Variants in SLC2A13 observed in about 807,000 individuals in gnomAD.
The protein encoded by SLC2A13 is solute carrier family 2 member 13.
Under a neutral mutation model 64.4 loss-of-function variants are expected in SLC2A13, and 32 were observed. The ratio of observed to expected loss-of-function variants is 0.50; its 90% confidence interval spans 0.37 to 0.67. The LOEUF is 0.67. Ranked by LOEUF, SLC2A13 falls within the 30% of genes least tolerant of loss-of-function variation. The probability of loss-of-function intolerance (pLI) is 0.00; values close to 1 mark genes in which losing one functional copy is unlikely to be tolerated. For missense variants in SLC2A13, 743 were observed against 829.2 expected, an observed-to-expected ratio of 0.90 and a Z score of 1.28; for synonymous variants, 338 against 327.1, an observed-to-expected ratio of 1.03 and a Z score of -0.36.
intron 3 of SLC2A13, among the ~76,000 whole-genome samples, chr12:39,991,466 T>C (rs1947137578): frequency 6.6e-6 from 1 of 152,162 alleles, no homozygotes; most frequent in African/African-American, 2.4e-5. Context: ...GCCTCATAAG[T>C]GCATGTCTAG....
intron 2 of SLC2A13, among the ~76,000 whole-genome samples, chr12:40,031,286 G>A (rs1021868409): frequency 1.4e-4 from 21 of 151,946 alleles, no homozygotes; most frequent in African/African-American, 4.8e-4. Context: ...GTAGTGGCGC[G>A]ATCTCGGCTC....
At chr12:40,094,278 G>A (rs1938864287) in intron 1 of SLC2A13, among the ~76,000 whole-genome samples, 1 of 152,158 alleles carries the variant, frequency 6.6e-6, no homozygotes, top group Non-Finnish European at 1.5e-5. Context: ...GGTCTGGGCT[G>A]AAATCTAGAT....
chr12:39,846,478 C>T (rs75128675), intron 6 of SLC2A13, among the ~76,000 whole-genome samples: 1 of 152,262 alleles, frequency 6.6e-6, no homozygotes, highest in South Asian at 2.1e-4. Context: ...TTTTAGACAG[C>T]ATCTCACTCT....
chr12:40,003,907 C>T (rs564778858), intron 3 of SLC2A13, among the ~76,000 whole-genome samples: 13 of 151,830 alleles, frequency 8.6e-5, no homozygotes, highest in East Asian at 5.9e-4. Flanking sequence ...GAAGGAGAAT[C>T]GCTAGAACCC....
chr12:40,044,756 A>G (rs986742340), intron 2 of SLC2A13, among the ~76,000 whole-genome samples: 5 of 152,218 alleles, frequency 3.3e-5, no homozygotes, highest in Admixed American at 3.3e-4. Flanking sequence ...TAAAAGGTGA[A>G]CTATAATGTT....
chr12:39,843,910 T>C (rs79307770), intron 6 of SLC2A13, among the ~76,000 whole-genome samples: 1 of 152,062 alleles, frequency 6.6e-6, no homozygotes, highest in African/African-American at 2.4e-5. Flanking sequence ...TACTGGCACA[T>C]GTCTTAAGTT....
chr12:39,861,035 C>T (rs975727215), intron 6 of SLC2A13, among the ~76,000 whole-genome samples: 3 of 152,222 alleles, frequency 2.0e-5, no homozygotes, highest in Non-Finnish European at 4.4e-5. Context: ...TCTGAATCTT[C>T]TCTGACCCCA....
At chr12:40,011,292 C>T (rs1440026180) in intron 3 of SLC2A13, among the ~76,000 whole-genome samples, 1 of 152,066 alleles carries the variant, frequency 6.6e-6, no homozygotes, top group Non-Finnish European at 1.5e-5. Context: ...CATCACATTC[C>T]CTGAGCTGTG....
intron 3 of SLC2A13, among the ~76,000 whole-genome samples, chr12:39,961,277 C>T (rs912853820): frequency 1.3e-5 from 2 of 151,802 alleles, no homozygotes; most frequent in African/African-American, 4.8e-5. Flanking sequence ...TGGGGTTTCA[C>T]CATGTTTGCC....
chr12:39,900,464 T>C (rs1163501566), intron 4 of SLC2A13, among the ~76,000 whole-genome samples: 2 of 150,792 alleles, frequency 1.3e-5, no homozygotes, highest in Non-Finnish European at 2.9e-5. Flanking sequence ...AAAATCTCCT[T>C]AAGCTGATAA....
intron 4 of SLC2A13, among the ~76,000 whole-genome samples, chr12:39,877,452 T>C (rs1230020958): frequency 2.0e-5 from 3 of 152,306 alleles, no homozygotes; most frequent in African/African-American, 4.8e-5. Context: ...AATGTGGGTA[T>C]TACAGGAGCT....
intron 1 of SLC2A13, among the ~76,000 whole-genome samples, chr12:40,095,931 T>C (rs1273416069): frequency 1.3e-5 from 2 of 152,130 alleles, no homozygotes; most frequent in African/African-American, 2.4e-5. Context: ...TTGGGGTTTT[T>C]CTGTTTGTTT....
At chr12:39,934,613 G>T (rs12423682) in intron 4 of SLC2A13, among the ~76,000 whole-genome samples, 8,675 of 152,304 alleles carry the variant, frequency 0.057, 374 homozygotes, top group Middle Eastern at 0.14. Context: ...ATAAGCAGCT[G>T]AGGAAAGAGA....
intron 1 of SLC2A13, among the ~76,000 whole-genome samples, chr12:40,081,537 C>T (rs992277080): frequency 3.9e-5 from 6 of 152,144 alleles, no homozygotes; most frequent in Non-Finnish European, 5.9e-5. Flanking sequence ...TCTAGAAGAA[C>T]AGTTTCTTTC....
At chr12:39,859,930 A>C (rs1398201590) in intron 6 of SLC2A13, among the ~76,000 whole-genome samples, 2 of 152,224 alleles carry the variant, frequency 1.3e-5, no homozygotes, top group Non-Finnish European at 1.5e-5. Flanking sequence ...GATCTGTATC[A>C]AAGAGGTAAT....
At chr12:39,824,920 CAT>C (rs1192069565) in intron 7 of SLC2A13, among the ~76,000 whole-genome samples, 4 of 152,074 alleles carry the variant, frequency 2.6e-5, no homozygotes, top group Non-Finnish European at 4.4e-5. Flanking sequence ...TGAGAAAAGA[CAT>C]AGAGACAGGA....
At chr12:40,030,587 G>A (rs1486370264) in intron 2 of SLC2A13, among the ~76,000 whole-genome samples, 2 of 152,064 alleles carry the variant, frequency 1.3e-5, no homozygotes, top group Admixed American at 6.6e-5. Context: ...AAAAGCAGCA[G>A]ATAATACTTC....
At chr12:39,825,073 C>T (rs760873891) in intron 7 of SLC2A13, among the ~76,000 whole-genome samples, 12 of 152,138 alleles carry the variant, frequency 7.9e-5, no homozygotes, top group African/African-American at 2.7e-4. Context: ...TGAATGAATA[C>T]GGTAAACAAT....
At chr12:39,866,232 G>A (rs887889955) in intron 5 of SLC2A13, among the ~76,000 whole-genome samples, 7 of 152,190 alleles carry the variant, frequency 4.6e-5, no homozygotes, top group Non-Finnish European at 1.0e-4. Context: ...GTACAACACG[G>A]TTATATAATA....
Sources: allele counts gnomAD v4.1 joint callset (sites outside exome capture counted in the v4.1 genomes callset), GRCh38; gene constraint gnomAD v4.1.1; transcripts MANE v1.5; gene names NCBI Gene and HGNC (gene_info 2026-07-23, HGNC 2026-07-21).